Variants in SVIL observed in about 807,000 individuals in gnomAD.
The protein encoded by SVIL is archvillin.
A neutral mutation model predicts 240.4 loss-of-function variants in SVIL; 101 were observed. The observed-to-expected ratio is 0.42, with a 90% CI of 0.36 to 0.50. The LOEUF (loss-of-function observed/expected upper bound fraction) is 0.50. Among genes scored for constraint, SVIL ranks in the 20% least tolerant of loss-of-function variants. SVIL has a pLI of 0.01. For synonymous variants in SVIL, 999 were observed against 1,100.0 expected, an observed-to-expected ratio of 0.91 and a Z score of 1.82; for missense variants, 2,512 against 2,818.7, an observed-to-expected ratio of 0.89 and a Z score of 2.46.
rs748641970 is a variant in SVIL, at chr10:29,487,219, G to A, written c.4429C>T (p.Pro1477Ser). 58 of 1,613,986 alleles carry A rather than the reference G, an allele frequency of 3.6e-5. No homozygotes were observed. Among genetic ancestry groups the A allele is most frequent in the Non-Finnish European group, 1.7e-5 (20 of 1,180,000 alleles). The part of the protein sequence containing the change: ...NSGDCFLLLS[P>S]HCCFLWVGEF... ...CCTACCCACAGGAAGCAGCAGTGGGGAGAGAGCAGGAGGAAGCAGTCCCCA... is the reference window on the plus strand; with the variant it reads ...CCTACCCACAGGAAGCAGCAGTGGGAAGAGAGCAGGAGGAAGCAGTCCCCA... Residue 1477 changes from proline to serine, a missense_variant, in exon 24 of 38, where the codon CCC becomes TCC. Physicochemically the swap from Pro to Ser is moderately conservative, Grantham distance 74. Around this residue, in one of 3 missense-constraint regions of SVIL, gnomAD observed 272 missense variants for 406.8 expected, o/e 0.67. Transcript: ENST00000355867.
At chr10:29,635,290 C>A (rs1276879067), upstream of SVIL, among the ~76,000 whole-genome samples, 3 of 152,096 alleles carry the variant, frequency 2.0e-5, no homozygotes, top group Non-Finnish European at 4.4e-5. Context: ...ACACTGAACA[C>A]CCCAAAAGTA....
intron 17 of SVIL, among the ~76,000 whole-genome samples, chr10:29,506,444 G>A (rs1364956022): frequency 6.6e-6 from 1 of 152,044 alleles, no homozygotes; most frequent in Non-Finnish European, 1.5e-5. Flanking sequence ...GTGAAGAGGC[G>A]AGATGACTAC....
At chr10:29,502,113 G>C (rs760215558) in intron 17 of SVIL, among the ~76,000 whole-genome samples, 25 of 152,242 alleles carry the variant, frequency 1.6e-4, no homozygotes, top group Non-Finnish European at 2.2e-4. Context: ...GCCAGACCTA[G>C]GGCAAGAAGA....
Position 29,540,737 on chromosome 10 carries a change from C to T in SVIL, c.828-4668G>A, listed in dbSNP as rs553610649. On this transcript the variant is annotated intron_variant, in intron 6 of 37. Coordinates refer to ENST00000355867, the MANE Select transcript of SVIL (RefSeq NM_021738.3). The stretch of plus-strand genomic sequence containing the variant: ...GAACTTCCTGGTCACAGCCACAACC[C>T]TGACTGGATGTGGATCTCTCTCTAG... 2.6e-5 allele frequency among the ~76,000 whole-genome samples: 4 copies of T among 152,362 alleles called. No homozygotes were observed. The East Asian group carries it at 7.7e-4, about 29-fold the overall frequency.
chr10:29,461,888 C>T (rs1421543583), intron 36 of SVIL, among the ~76,000 whole-genome samples: 2 of 152,180 alleles, frequency 1.3e-5, no homozygotes, highest in South Asian at 4.1e-4. Flanking sequence ...CTCCTCTACA[C>T]AAGGTTAACA....
At chr10:29,476,777 G>C (rs1482614659) in intron 29 of SVIL, among the ~76,000 whole-genome samples, 1 of 152,106 alleles carries the variant, frequency 6.6e-6, no homozygotes, top group East Asian at 1.9e-4. Context: ...CCCAAATTTA[G>C]TCCTACATGA....
At chr10:29,734,389 C>T (rs991572558) in intron 1 of SVIL, among the ~76,000 whole-genome samples, 4 of 152,094 alleles carry the variant, frequency 2.6e-5, no homozygotes, top group Non-Finnish European at 5.9e-5. Flanking sequence ...CTTCAGTAAC[C>T]GACTTTGTCA....
chr10:29,584,485 A>G (rs1233577344), intron 1 of SVIL, among the ~76,000 whole-genome samples: 1 of 152,090 alleles, frequency 6.6e-6, no homozygotes, highest in East Asian at 1.9e-4. Flanking sequence ...TGCCAGGTGG[A>G]GATTGTCGGG....
chr10:29,721,042 T>C (rs1963942765), intron 1 of SVIL, among the ~76,000 whole-genome samples: 1 of 152,112 alleles, frequency 6.6e-6, no homozygotes. Context: ...AGATGGGGTT[T>C]TTGCCATGTT....
At chr10:29,597,774 T>G (rs1020279256) in intron 1 of SVIL, among the ~76,000 whole-genome samples, 3 of 151,894 alleles carry the variant, frequency 2.0e-5, no homozygotes, top group Non-Finnish European at 1.5e-5. Flanking sequence ...TGCCCCTCAG[T>G]TGAATTATTT....
intron 1 of SVIL, among the ~76,000 whole-genome samples, chr10:29,613,107 C>T (rs969260000): frequency 9.6e-5 from 14 of 146,512 alleles, no homozygotes; most frequent in Admixed American, 7.8e-4. Flanking sequence ...ACCCAGGAGG[C>T]AGAAGTTGCA....
At chr10:29,559,214 A>T (rs937928290) in intron 3 of SVIL, among the ~76,000 whole-genome samples, 2 of 151,944 alleles carry the variant, frequency 1.3e-5, no homozygotes, top group Admixed American at 6.6e-5. Flanking sequence ...CTTCAAAAAA[A>T]TTTTTTGTAA....
chr10:29,606,807 T>A (rs949093983), intron 1 of SVIL, among the ~76,000 whole-genome samples: 1 of 152,296 alleles, frequency 6.6e-6, no homozygotes, highest in Non-Finnish European at 1.5e-5. Context: ...CAGGCTGGAG[T>A]GCAGTGGCAG....
At chr10:29,602,527 T>A (rs948276253) in intron 1 of SVIL, among the ~76,000 whole-genome samples, 3 of 152,246 alleles carry the variant, frequency 2.0e-5, no homozygotes, top group African/African-American at 7.2e-5. Flanking sequence ...CAAATGTTTT[T>A]ATTCATGATT....
intron 29 of SVIL, among the ~76,000 whole-genome samples, chr10:29,476,127 A>G (rs960842750): frequency 6.6e-6 from 1 of 152,252 alleles, no homozygotes; most frequent in Admixed American, 6.5e-5. Flanking sequence ...AAATCCCACA[A>G]TTAATTTGGA....
At chr10:29,621,943 G>C (rs1218530548) in intron 1 of SVIL, among the ~76,000 whole-genome samples, 2 of 152,086 alleles carry the variant, frequency 1.3e-5, no homozygotes, top group African/African-American at 4.8e-5. Context: ...AGTGACTTGG[G>C]AGCAGCAAAG....
At chr10:29,648,890 C>T (rs918800287) in intron 3 of SVIL, among the ~76,000 whole-genome samples, 1 of 151,946 alleles carries the variant, frequency 6.6e-6, no homozygotes, top group African/African-American at 2.4e-5. Flanking sequence ...ATATTCCAAG[C>T]ACTTTAGGAG....
intron 5 of SVIL, among the ~76,000 whole-genome samples, chr10:29,553,819 TTAGA>T (rs995597003): frequency 3.3e-5 from 5 of 152,306 alleles, no homozygotes; most frequent in African/African-American, 1.2e-4. Context: ...TTAAGATAAC[TTAGA>T]TAGAAAGTTT....
chr10:29,725,387 T>C (rs141714829), intron 1 of SVIL, among the ~76,000 whole-genome samples: 276 of 152,118 alleles, frequency 1.8e-3, no homozygotes, highest in Non-Finnish European at 2.9e-3. Context: ...CTGGGTCTTA[T>C]CAGAACCACA....
Sources: allele counts gnomAD v4.1 joint callset (sites outside exome capture counted in the v4.1 genomes callset), GRCh38; gene constraint gnomAD v4.1.1; regional missense constraint gnomAD v4.1.1; transcripts MANE v1.5; gene names NCBI Gene and HGNC (gene_info 2026-07-23, HGNC 2026-07-21).